Variants in NKAIN4 observed in about 807,000 individuals in gnomAD.
NKAIN4 encodes sodium/potassium transporting ATPase interacting 4, also known as sodium/potassium-transporting ATPase subunit beta-1-interacting protein 4.
Under a neutral mutation model 28.8 loss-of-function variants are expected in NKAIN4, and 28 were observed. That is an observed-to-expected ratio of 0.97 (90% CI 0.72 to 1.33). The LOEUF (loss-of-function observed/expected upper bound fraction) is 1.33, where lower values mean the gene tolerates loss of function less well. Among genes scored for constraint, NKAIN4 ranks in the 40% most tolerant of loss-of-function variants. The probability of loss-of-function intolerance (pLI) is 0.00; values close to 1 mark genes in which losing one functional copy is unlikely to be tolerated. For missense variants in NKAIN4, 289 were observed against 277.2 expected (o/e 1.04, Z -0.30); for synonymous variants, 122 against 115.6 (o/e 1.06, Z -0.36).
chr20:63,249,193 C>G, intron 2 of NKAIN4: 1 of 415,912 alleles, frequency 2.4e-6, no homozygotes, highest in Non-Finnish European at 4.5e-6. Flanking sequence ...GCTGCCGTGA[C>G]CTGTCCTCGC....
In NKAIN4 at chr20:63,252,045, G is replaced by A. The variant is rs904925128; in HGVS notation, c.55-1973C>T. Among the ~76,000 whole-genome samples the A allele has an allele frequency of 2.0e-5, 3 of 152,198 alleles. No homozygotes were observed. The highest frequency in any genetic ancestry group is 7.2e-5 in the African/African-American group (3 of 41,446). ...CTGTGAGGTCTGGGCTGGCGGCTGG[G>A]ACAAGCTGCACATCTCGGCTAAGGG... is the stretch of plus-strand genomic sequence containing the variant. On this transcript the variant is annotated intron_variant, in intron 1 of 6. Transcript: ENST00000370316. The surrounding 1 kb of genome is among the most constrained non-coding windows in gnomAD (Gnocchi z 4.6).
chr20:63,251,937 C>T (rs2066967392), intron 1 of NKAIN4, among the ~76,000 whole-genome samples: 1 of 152,166 alleles, frequency 6.6e-6, no homozygotes, highest in Admixed American at 6.5e-5. Flanking sequence ...TCTGCCCTGC[C>T]GGAGCCCCGG....
At chr20:63,247,445 TG>T (rs1180769631) in intron 4 of NKAIN4, 132 bp downstream of exon 4, 3 of 1,543,892 alleles carry the variant, frequency 1.9e-6, no homozygotes, top group Non-Finnish European at 2.6e-6. Context: ...CCAGCAAGGG[TG>T]GGGGATGAGG....
rs1294518604 is a variant in NKAIN4, at chr20:63,241,496, CT to C, written c.627del (p.Ter209=). 3 of 1,550,480 alleles carry C rather than the reference CT, an allele frequency of 1.9e-6. No homozygotes were observed. Among genetic ancestry groups the C allele is most frequent in the Non-Finnish European group, 2.6e-6 (3 of 1,146,946 alleles). ...AGGAGCAGGATCAGCTGTTTCCTCACTTACGCAGGCCTGTGGGGACAAGGTC... is the reference window on the plus strand; with the variant it reads ...AGGAGCAGGATCAGCTGTTTCCTCACTACGCAGGCCTGTGGGGACAAGGTC... ...LLSKQVYLPA[*>X] On this transcript the variant is annotated frameshift_variant and stop_lost, in exon 7 of 7. Transcript: ENST00000370316. LOFTEE classifies it high-confidence loss of function.
chr20:63,254,373 G>A, intron 1 of NKAIN4, 24 bp downstream of exon 1: 1 of 1,442,370 alleles, frequency 6.9e-7, no homozygotes, highest in Non-Finnish European at 9.1e-7. Flanking sequence ...GCTCCAGGAG[G>A]CTCGCGGAGG....
At chr20:63,254,155 CGG>C (rs1350860208) in intron 1 of NKAIN4, 1 of 428,540 alleles carries the variant, frequency 2.3e-6, no homozygotes, top group Admixed American at 4.6e-5. Flanking sequence ...CCCGCCGCTC[CGG>C]ACCCGCGGCC....
chr20:63,241,307 G>T lies in NKAIN4; in HGVS notation c.*190C>A. 2 of 576,176 alleles carry T rather than the reference G, an allele frequency of 3.5e-6. No homozygotes were observed. The highest frequency in any genetic ancestry group is 2.2e-5 in the South Asian group (1 of 45,634). The allele number at this position is 576,176 out of a possible 1,614,324, so 35.7% of individuals were successfully genotyped here. A position where few individuals can be genotyped will look rare whatever the true frequency, so the allele number is the denominator to read the frequency against. On this transcript the variant is annotated 3_prime_UTR_variant, in exon 7 of 7. Transcript: ENST00000370316. Reference sequence around the variant, plus strand: ...AAAGGAAATTACAAACTCTCTTGACGCTGCAGCCAGCCGTGGCACTGCCCT... The same window carrying T: ...AAAGGAAATTACAAACTCTCTTGACTCTGCAGCCAGCCGTGGCACTGCCCT...
chr20:63,247,492 C>T lies in NKAIN4; in HGVS notation c.471+86G>A, dbSNP rs1339923367. ...CACGCCTGAGGCCAGGTCAGCTGGC[C>T]CCGCCTCAGGGAGATGAGCCCCCAG... On this transcript the variant is annotated intron_variant, in intron 4 of 6. Transcript: ENST00000370316. 3.2e-6 allele frequency: 5 copies of T among 1,548,324 alleles called. No homozygotes were observed. The East Asian group carries it at 9.8e-5, about 30-fold the overall frequency.
chr20:63,250,382 T>A (rs1194739721), intron 1 of NKAIN4, among the ~76,000 whole-genome samples: 4 of 152,074 alleles, frequency 2.6e-5, no homozygotes, highest in African/African-American at 9.7e-5. Context: ...GTAGGCCCCA[T>A]CCCCTCTGTC....
At chr20:63,251,191 C>A (rs1317949340) in intron 1 of NKAIN4, among the ~76,000 whole-genome samples, 1 of 152,060 alleles carries the variant, frequency 6.6e-6, no homozygotes, top group African/African-American at 2.4e-5. Flanking sequence ...AGACAGCTTA[C>A]GCCATTATTT....
Position 63,243,954 on chromosome 20 carries a change from G to A in NKAIN4, c.532+70C>T, listed in dbSNP as rs887623158. ...GGAGGTCTCTCGCCTTGCCCCAGAC[G>A]GGACAGACTCAGAGCTGCCACCTCT... On this transcript the variant is annotated intron_variant, in intron 5 of 6. Coordinates refer to ENST00000370316, the MANE Select transcript of NKAIN4 (RefSeq NM_152864.4). 29 of 1,344,550 alleles carry A rather than the reference G, an allele frequency of 2.2e-5. No individual in the cohort carries two copies. The East Asian group carries it at 4.1e-4, about 19-fold the overall frequency. 83.3% of individuals were successfully genotyped at this position (1,344,550 alleles called of 1,614,324 possible).
chr20:63,254,245 C>T, intron 1 of NKAIN4, 152 bp downstream of exon 1: 1 of 587,352 alleles, frequency 1.7e-6, no homozygotes, highest in Non-Finnish European at 2.6e-6. Context: ...CACCTTCGGC[C>T]GTAGCAGCCC....
At chr20:63,243,494 T>A (rs1430803107) in intron 5 of NKAIN4, among the ~76,000 whole-genome samples, 1 of 151,898 alleles carries the variant, frequency 6.6e-6, no homozygotes, top group African/African-American at 2.4e-5. Context: ...CTCCACAGGG[T>A]CTTCCTGTGA....
intron 3 of NKAIN4, 74 bp from the exon 4 acceptor site, chr20:63,247,849 G>A: frequency 7.1e-7 from 1 of 1,406,276 alleles, no homozygotes; most frequent in South Asian, 1.8e-5. Flanking sequence ...AGCCTGCGGG[G>A]ACGCCACCAC....
At chr20:63,246,421 G>A (rs1285369410) in intron 4 of NKAIN4, among the ~76,000 whole-genome samples, 1 of 152,236 alleles carries the variant, frequency 6.6e-6, no homozygotes, top group Non-Finnish European at 1.5e-5. Flanking sequence ...CTGGCAGGGT[G>A]CGTCTGTGGC....
intron 4 of NKAIN4, among the ~76,000 whole-genome samples, 153 bp from the exon 5 acceptor site, chr20:63,244,237 A>G (rs992617979): frequency 3.9e-5 from 6 of 152,196 alleles, no homozygotes; most frequent in Non-Finnish European, 5.9e-5. Flanking sequence ...TTGGAGTGGG[A>G]GAGCTGACCC....
chr20:63,241,518 AG>A lies in NKAIN4; in HGVS notation c.618-13del. The stretch of plus-strand genomic sequence containing the variant: ...TCACTTACGCAGGCCTGTGGGGACA[AG>A]GTCAGAGAGCACCTGGGGGAACAGG... On this transcript the variant is annotated splice_polypyrimidine_tract_variant and intron_variant, in intron 6 of 6. Coordinates refer to ENST00000370316, the MANE Select transcript of NKAIN4 (RefSeq NM_152864.4). 6.5e-7 allele frequency: 1 copy of A among 1,549,684 alleles called. No individual in the cohort carries two copies.
chr20:63,248,789 C>T, intron 3 of NKAIN4, 26 bp downstream of exon 3: 14 of 1,528,948 alleles, frequency 9.2e-6, no homozygotes, highest in Non-Finnish European at 1.3e-5. Flanking sequence ...GGAAGGACCT[C>T]GCGCTGCCTC....
chr20:63,248,628 C>T, intron 3 of NKAIN4, 187 bp downstream of exon 3: 1 of 567,016 alleles, frequency 1.8e-6, no homozygotes, highest in Non-Finnish European at 3.2e-6. Context: ...AATCACTGGT[C>T]TTTCCCCAAA....
Sources: allele counts gnomAD v4.1 joint callset (sites outside exome capture counted in the v4.1 genomes callset), GRCh38; gene constraint gnomAD v4.1.1; non-coding constraint Gnocchi (gnomAD v3.1); transcripts MANE v1.5; gene names NCBI Gene and HGNC (gene_info 2026-07-23, HGNC 2026-07-21).